ARHGAP12: variants seen among roughly 807,000 people sequenced by gnomAD.
ARHGAP12 encodes Rho GTPase activating protein 12.
ARHGAP12 carries 64 observed loss-of-function variants against 108.6 expected under a neutral mutation model. That is an observed-to-expected ratio of 0.59 (90% CI 0.48 to 0.73). The LOEUF is 0.73. Ranked by LOEUF, ARHGAP12 falls within the 30% of genes least tolerant of loss-of-function variation. ARHGAP12 has a pLI of 0.00. For synonymous variants in ARHGAP12, 312 were observed against 337.2 expected (o/e 0.93, Z 0.82); for missense variants, 940 against 1,005.9 (o/e 0.93, Z 0.89).
intron 1 of ARHGAP12, among the ~76,000 whole-genome samples, chr10:31,914,337 G>T (rs1420402102): frequency 6.6e-6 from 1 of 151,942 alleles, no homozygotes; most frequent in Non-Finnish European, 1.5e-5. Flanking sequence ...AATATAAAAT[G>T]ACTGTTTTAT....
chr10:31,814,213 G>A (rs1351725853), intron 14 of ARHGAP12, 46 bp downstream of exon 14: 1 of 1,477,114 alleles, frequency 6.8e-7, no homozygotes, highest in Admixed American at 1.7e-5. Context: ...AAAAAGCTAA[G>A]AGAACAAGCA....
chr10:31,894,962 A>G (rs1440231701), intron 3 of ARHGAP12, among the ~76,000 whole-genome samples: 1 of 152,130 alleles, frequency 6.6e-6, no homozygotes, highest in East Asian at 1.9e-4. Flanking sequence ...ACAACTATCT[A>G]ATCTTTGACA....
At chr10:31,837,586 G>A (rs180983233) in intron 9 of ARHGAP12, among the ~76,000 whole-genome samples, 5 of 152,248 alleles carry the variant, frequency 3.3e-5, no homozygotes, top group African/African-American at 1.2e-4. Flanking sequence ...TGGAGGTATA[G>A]GATTTAACTA....
intron 3 of ARHGAP12, among the ~76,000 whole-genome samples, chr10:31,905,620 A>G (rs1182082818): frequency 6.6e-6 from 1 of 151,638 alleles, no homozygotes. Flanking sequence ...GAGCTTTACT[A>G]AGATGAGAAA....
intron 6 of ARHGAP12, among the ~76,000 whole-genome samples, chr10:31,846,742 A>G (rs953387883): frequency 6.6e-6 from 1 of 151,904 alleles, no homozygotes; most frequent in Admixed American, 6.6e-5. Flanking sequence ...CAGCTTCTTG[A>G]GTCTGTTGGT....
At chr10:31,869,464 G>A (rs1047160382) in intron 3 of ARHGAP12, among the ~76,000 whole-genome samples, 1 of 152,048 alleles carries the variant, frequency 6.6e-6, no homozygotes, top group Non-Finnish European at 1.5e-5. Context: ...GTGAACCTGG[G>A]AGGTGGAGGT....
At chr10:31,833,050 GA>G (rs1319213686) in intron 9 of ARHGAP12, among the ~76,000 whole-genome samples, 3 of 151,738 alleles carry the variant, frequency 2.0e-5, no homozygotes, top group Non-Finnish European at 2.9e-5. Flanking sequence ...GTATGTGTGA[GA>G]TTTTTTTTTT....
chr10:31,869,354 T>C (rs1204603037), intron 3 of ARHGAP12, among the ~76,000 whole-genome samples: 1 of 152,080 alleles, frequency 6.6e-6, no homozygotes, highest in African/African-American at 2.4e-5. Context: ...CTGGCCAACA[T>C]GCTGAAACCC....
In ARHGAP12 at chr10:31,894,453, AACAG is replaced by A. The variant is rs768030203; in HGVS notation, c.684+13715_684+13718del. On this transcript the variant is annotated intron_variant, in intron 3 of 19. Transcript: ENST00000344936. ...ATCACAAGCATTCTTATACACCAAT[AACAG>A]ACAAACAGAGAGCCAAATCATGAGT... 5.3e-5 allele frequency among the ~76,000 whole-genome samples: 8 copies of A among 152,240 alleles called. No homozygotes were observed. In the East Asian group the frequency reaches 7.7e-4, roughly 15 times the overall value.
intron 3 of ARHGAP12, among the ~76,000 whole-genome samples, chr10:31,897,145 T>C (rs1328379633): frequency 1.3e-5 from 2 of 151,976 alleles, no homozygotes; most frequent in Non-Finnish European, 2.9e-5. Context: ...CTCCCATAGC[T>C]CTGACAAGGG....
At chr10:31,908,061 G>T in intron 3 of ARHGAP12, 111 bp downstream of exon 3, 1 of 1,100,864 alleles carries the variant, frequency 9.1e-7, no homozygotes, top group Non-Finnish European at 1.3e-6. Flanking sequence ...CATGTACTCT[G>T]AAAATACAAA....
chr10:31,849,565 G>A (rs1196692391), intron 6 of ARHGAP12, among the ~76,000 whole-genome samples: 3 of 152,194 alleles, frequency 2.0e-5, no homozygotes, highest in Non-Finnish European at 4.4e-5. Flanking sequence ...AGTGCAGAAT[G>A]TAACCTGAAG....
At chr10:31,895,282 C>G (rs1564418454) in intron 3 of ARHGAP12, among the ~76,000 whole-genome samples, 1 of 152,140 alleles carries the variant, frequency 6.6e-6, no homozygotes, top group Non-Finnish European at 1.5e-5. Flanking sequence ...TTCTGCACAG[C>G]AAAAGAAACT....
At chr10:31,928,076 T>G (rs1564442497) in intron 1 of ARHGAP12, among the ~76,000 whole-genome samples, 1 of 151,974 alleles carries the variant, frequency 6.6e-6, no homozygotes, top group Admixed American at 6.5e-5. Context: ...CCCAGGTGGA[T>G]TCCCCGGGTG....
chr10:31,921,762 TCAAAAAAA>T (rs1328891149), intron 1 of ARHGAP12, among the ~76,000 whole-genome samples: 1 of 10,630 alleles, frequency 9.4e-5, no homozygotes, highest in African/African-American at 4.3e-4. Flanking sequence ...AGGCTCCATC[TCAAAAAAA>T]AAAAAAAAAA....
chr10:31,813,444 T>G (rs972754143), intron 14 of ARHGAP12, among the ~76,000 whole-genome samples: 1 of 152,104 alleles, frequency 6.6e-6, no homozygotes, highest in African/African-American at 2.4e-5. Flanking sequence ...AAAGGTATAT[T>G]TCTTGAAAAT....
Position 31,885,296 on chromosome 10 carries a change from A to G in ARHGAP12, c.684+22876T>C, listed in dbSNP as rs971780611. On this transcript the variant is annotated intron_variant, in intron 3 of 19. Transcript: ENST00000344936. ...CTGGGAACAGGAAACTATTTTTTCA[A>G]TGTAAAAATAAAGTATCTCTTTACC... Among the ~76,000 whole-genome samples the G allele has an allele frequency of 1.1e-4, 16 of 152,300 alleles. 1 individual carries two copies. The highest frequency in any genetic ancestry group is 5.9e-4 in the Admixed American group (9 of 15,304).
chr10:31,862,696 G>GCACACACA (rs969804958), intron 3 of ARHGAP12, among the ~76,000 whole-genome samples: 1 of 122,180 alleles, frequency 8.2e-6, no homozygotes, highest in Non-Finnish European at 1.7e-5. Flanking sequence ...AGTGGCGCAT[G>GCACACACA]CACACACAGA....
chr10:31,831,007 C>A (rs1009362951), intron 10 of ARHGAP12, among the ~76,000 whole-genome samples: 14 of 152,194 alleles, frequency 9.2e-5, no homozygotes, highest in Non-Finnish European at 1.8e-4. Context: ...AGTGGCCCAG[C>A]AATTCCACTT....
Sources: allele counts gnomAD v4.1 joint callset (sites outside exome capture counted in the v4.1 genomes callset), GRCh38; gene constraint gnomAD v4.1.1; transcripts MANE v1.5; gene names NCBI Gene and HGNC (gene_info 2026-07-23, HGNC 2026-07-21).